The following ANO5 variants were observed in gnomAD, a reference collection of about 807,000 sequenced individuals.
ANO5 encodes anoctamin-5.
ANO5 carries 109 observed loss-of-function variants against 121.0 expected under a neutral mutation model. That is an observed-to-expected ratio of 0.90 (90% CI 0.77 to 1.06). The LOEUF (loss-of-function observed/expected upper bound fraction) is 1.06. Ranked by LOEUF, ANO5 falls within the 50% of genes least tolerant of loss-of-function variation. The pLI is 0.00. For synonymous variants in ANO5, 406 were observed against 359.9 expected, an observed-to-expected ratio of 1.13 and a Z score of -1.45; for missense variants, 1,064 against 1,078.5, an observed-to-expected ratio of 0.99 and a Z score of 0.19.
intron 5 of ANO5, among the ~76,000 whole-genome samples, chr11:22,222,850 C>T (rs1329768200): frequency 1.3e-5 from 2 of 151,940 alleles, no homozygotes; most frequent in African/African-American, 4.8e-5. Flanking sequence ...TCATACTTTC[C>T]TTCCATATTC....
intron 13 of ANO5, among the ~76,000 whole-genome samples, chr11:22,256,271 T>G (rs1478699217): frequency 6.6e-6 from 1 of 152,190 alleles, no homozygotes; most frequent in East Asian, 1.9e-4. Flanking sequence ...CTGTGTTTCC[T>G]GCTGCTATTT....
At chr11:22,264,365 C>A (rs1005462682) in intron 17 of ANO5, among the ~76,000 whole-genome samples, 1 of 151,344 alleles carries the variant, frequency 6.6e-6, no homozygotes, top group African/African-American at 2.4e-5. Context: ...GATTGAGAAC[C>A]CAGAGGACTG....
intron 9 of ANO5, among the ~76,000 whole-genome samples, chr11:22,245,872 T>C (rs1041891519): frequency 6.6e-6 from 1 of 152,164 alleles, no homozygotes; most frequent in Admixed American, 6.5e-5. Flanking sequence ...ACTTGTGGCA[T>C]CATGTCGGCA....
intron 15 of ANO5, 86 bp from the exon 16 acceptor site, chr11:22,262,043 G>T: frequency 7.7e-7 from 1 of 1,304,634 alleles, no homozygotes; most frequent in South Asian, 1.2e-5. Flanking sequence ...AGAATGATGT[G>T]ACTAGATGTT....
intron 17 of ANO5, among the ~76,000 whole-genome samples, chr11:22,266,103 C>T (rs1004104405): frequency 2.6e-5 from 4 of 152,074 alleles, no homozygotes; most frequent in African/African-American, 9.7e-5. Flanking sequence ...CATAAATGAA[C>T]TCAAAATGGA....
intron 19 of ANO5, 132 bp downstream of exon 19, chr11:22,273,121 T>G: frequency 1.0e-6 from 1 of 968,242 alleles, no homozygotes; most frequent in Non-Finnish European, 1.6e-6. Context: ...TCCGAAATTG[T>G]TATGCGCTAA....
chr11:22,195,249 T>A (rs2133481437), intron 1 of ANO5, among the ~76,000 whole-genome samples: 1 of 152,298 alleles, frequency 6.6e-6, no homozygotes, highest in Admixed American at 6.5e-5. Flanking sequence ...TCTATTCAGA[T>A]CATTTGCCTG....
At position 22,279,739 on chromosome 11, in the gene ANO5, G is replaced by C. The variant is rs2133811614; in HGVS notation, c.2716G>C (p.Ala906Pro). 1.9e-6 allele frequency: 3 copies of C among 1,612,432 alleles called. No individual in the cohort carries two copies. Among genetic ancestry groups the C allele is most frequent in the Non-Finnish European group, 2.5e-6 (3 of 1,179,004 alleles). The change falls in exon 22 of 22, where the codon GCA becomes CCA. Residue 906 changes from alanine (A) to proline (P), a missense_variant. By Grantham distance (27) the Ala-to-Pro change is conservative. Transcript: ENST00000324559. ...GCATGTCATGATTGAGGAAAACAAA[G>C]CACAGCTGGCTAAATCAACACTCTA... ...AKHVMIEENKAQLAKSTL is the reference protein window; with the variant it reads ...AKHVMIEENKPQLAKSTL
intron 5 of ANO5, among the ~76,000 whole-genome samples, chr11:22,221,813 TA>T (rs1455956580): frequency 6.6e-6 from 1 of 152,010 alleles, no homozygotes. Flanking sequence ...AATCCATTTT[TA>T]TACACATATA....
In ANO5 at chr11:22,203,795, T is replaced by C. The variant is rs1427581962; in HGVS notation, c.41-9T>C. 1.4e-6 allele frequency: 2 copies of C among 1,455,668 alleles called. No homozygotes were observed. The highest frequency in any genetic ancestry group is 1.9e-6 in the Non-Finnish European group (2 of 1,042,796). 90.2% of individuals were successfully genotyped at this position (1,455,668 alleles called of 1,614,324 possible). A position where few individuals can be genotyped will look rare whatever the true frequency, so the allele number is the denominator to read the frequency against. ...TTTAACATGTTTTTCTCTTTCTTAT[T>C]TAATTTAGGGGAAAAAGTCAATAAG... On this transcript the variant is annotated splice_polypyrimidine_tract_variant and intron_variant, in intron 1 of 21. Transcript: ENST00000324559.
At chr11:22,254,298 G>A (rs1350851700) in intron 12 of ANO5, among the ~76,000 whole-genome samples, 1 of 152,146 alleles carries the variant, frequency 6.6e-6, no homozygotes, top group Non-Finnish European at 1.5e-5. Flanking sequence ...AAGGTAGAGA[G>A]TGAGTCAGAA....
chr11:22,272,854 T>C lies in ANO5; in HGVS notation c.2100T>C (p.Asn700=). ...TGGCTCCTCTTCTTGCTCTCATAAATAATATTGTAGAGATTCGAGTGGATG... is the reference window on the plus strand; with the variant it reads ...TGGCTCCTCTTCTTGCTCTCATAAACAATATTGTAGAGATTCGAGTGGATG... ...FPLAPLLALI[N]NIVEIRVDAW... is the part of the protein sequence containing the mutation. Residue 700 remains asparagine, a synonymous_variant, in exon 19 of 22, where the codon AAT becomes AAC. Transcript: ENST00000324559. The C allele has an allele frequency of 6.2e-7, 1 of 1,614,128 alleles. No individual in the cohort carries two copies. Among genetic ancestry groups the C allele is most frequent in the Non-Finnish European group, 8.5e-7 (1 of 1,180,002 alleles).
intron 1 of ANO5, among the ~76,000 whole-genome samples, chr11:22,196,822 T>C (rs1411524266): frequency 2.0e-5 from 3 of 152,118 alleles, no homozygotes; most frequent in Non-Finnish European, 4.4e-5. Flanking sequence ...TAAGCCAAGA[T>C]TGCGCCACTA....
At chr11:22,196,622 G>A (rs1194250479) in intron 1 of ANO5, among the ~76,000 whole-genome samples, 1 of 151,820 alleles carries the variant, frequency 6.6e-6, no homozygotes, top group African/African-American at 2.4e-5. Flanking sequence ...TGTAATCCCA[G>A]CACTCTGGGA....
intron 9 of ANO5, 83 bp downstream of exon 9, chr11:22,239,767 C>T (rs932597760): frequency 3.8e-6 from 4 of 1,051,454 alleles, no homozygotes; most frequent in South Asian, 2.6e-5. Flanking sequence ...TTTTTTACTA[C>T]TATTTTCTCC....
intron 9 of ANO5, among the ~76,000 whole-genome samples, chr11:22,242,145 A>T (rs1192393565): frequency 6.6e-6 from 1 of 152,218 alleles, no homozygotes; most frequent in South Asian, 2.1e-4. Context: ...TGAATACGGA[A>T]TCCGTTCCCC....
intron 3 of ANO5, among the ~76,000 whole-genome samples, chr11:22,215,356 T>G (rs1179860555): frequency 1.3e-5 from 2 of 152,000 alleles, no homozygotes; most frequent in Non-Finnish European, 2.9e-5. Context: ...TGTGCATGTA[T>G]TTAGATATTA....
chr11:22,192,494 A>G (rs112321883), upstream of ANO5, among the ~76,000 whole-genome samples: 957 of 152,188 alleles, frequency 6.3e-3, 6 homozygotes, highest in African/African-American at 0.022. Context: ...TCCAGACGCT[A>G]TGGGGAAGGG....
intron 18 of ANO5, among the ~76,000 whole-genome samples, chr11:22,271,731 C>A (rs181371589): frequency 6.6e-6 from 1 of 152,132 alleles, no homozygotes; most frequent in East Asian, 1.9e-4. Context: ...ATTCATTATT[C>A]TACACATTTT....
Sources: gnomAD v4.1 joint callset for allele counts (sites outside exome capture counted in the v4.1 genomes callset) on GRCh38, gnomAD v4.1.1 for gene constraint, MANE v1.5 for transcripts, NCBI Gene and HGNC (gene_info 2026-07-23, HGNC 2026-07-21) for gene names.